MOB3C: variants seen among roughly 807,000 people sequenced by gnomAD.
MOB3C encodes the protein MOB kinase activator 3C.
Under a neutral mutation model 19.8 loss-of-function variants are expected in MOB3C, and 17 were observed. The ratio of observed to expected loss-of-function variants is 0.86; its 90% CI spans 0.59 to 1.29. The LOEUF (loss-of-function observed/expected upper bound fraction) is 1.29, where lower values mean the gene tolerates loss of function less well. MOB3C is among the 50% of genes most tolerant of loss of function. The pLI, the probability that MOB3C is intolerant of heterozygous loss-of-function variation, is 0.00. For missense variants in MOB3C, 291 were observed against 301.9 expected, an observed-to-expected ratio of 0.96 and a Z score of 0.27; for synonymous variants, 101 against 119.2, an observed-to-expected ratio of 0.85 and a Z score of 0.99.
intron 2 of MOB3C, among the ~76,000 whole-genome samples, chr1:46,612,416 A>C (rs1050365690): frequency 6.6e-6 from 1 of 152,134 alleles, no homozygotes; most frequent in Non-Finnish European, 1.5e-5. Context: ...TGCTTTAGAA[A>C]AGAAAAGCCC....
chr1:46,616,523 C>G lies in MOB3C; in HGVS notation c.-51+188G>C, dbSNP rs377104913. 4.6e-5 allele frequency: 7 copies of G among 150,994 alleles called. No individual in the cohort carries two copies. In the East Asian group the frequency reaches 1.2e-3, roughly 26 times the overall value. The allele number at this position is 150,994 out of a possible 1,614,324, so 9.4% of individuals were successfully genotyped here. A position where few individuals can be genotyped will look rare whatever the true frequency, so the allele number is the denominator to read the frequency against. Reference sequence around the variant, plus strand: ...CTCCCCTCTGCCCCGTACTCCCCCACCCCGACAATCCCCCCCGCAACTTTC... The same window carrying G: ...CTCCCCTCTGCCCCGTACTCCCCCAGCCCGACAATCCCCCCCGCAACTTTC... On this transcript the variant is annotated intron_variant, in intron 1 of 3. Coordinates refer to ENST00000319928, the MANE Select transcript of MOB3C (RefSeq NM_201403.3).
intron 1 of MOB3C, chr1:46,615,014 C>T (rs1489977519): frequency 6.2e-7 from 1 of 1,613,218 alleles, no homozygotes; most frequent in East Asian, 2.2e-5. Context: ...TTCGACTTCT[C>T]ACCCAAAGAA....
chr1:46,609,768 C>G (rs1675430176), intron 3 of MOB3C, 84 bp from the exon 4 acceptor site: 1 of 1,563,946 alleles, frequency 6.4e-7, no homozygotes, highest in Admixed American at 1.8e-5. Flanking sequence ...CCTAGCTGCT[C>G]TTCTGTCTGA....
intron 2 of MOB3C, among the ~76,000 whole-genome samples, chr1:46,612,335 A>G (rs1365431031): frequency 6.6e-6 from 1 of 152,194 alleles, no homozygotes; most frequent in Non-Finnish European, 1.5e-5. Context: ...CCTCGGGGCA[A>G]CTGTTCTGGA....
In MOB3C at chr1:46,613,036, A is replaced by T; in HGVS notation, c.286T>A (p.Tyr96Asn). Residue 96 changes from tyrosine to asparagine, a missense_variant, in exon 2 of 4, where the codon TAC becomes AAC. Transcript: ENST00000319928. ...SCPVMAGGPR[Y>N]EYRWQDERQY... is the part of the protein sequence containing the mutation. ...CGCTCGTCCTGCCAGCGGTACTCGTAGCGGGGCCCGCCGGCCATGACCGGG... is the reference window on the plus strand; with the variant it reads ...CGCTCGTCCTGCCAGCGGTACTCGTTGCGGGGCCCGCCGGCCATGACCGGG... 6.2e-7 allele frequency: 1 copy of T among 1,613,984 alleles called. No homozygotes were observed. Among genetic ancestry groups the T allele is most frequent in the Non-Finnish European group, 8.5e-7 (1 of 1,179,960 alleles).
chr1:46,612,903 C>T lies in MOB3C; in HGVS notation c.418+1G>A. On this transcript the variant is annotated splice_donor_variant, in intron 2 of 3. Transcript: ENST00000319928. LOFTEE classifies it high-confidence loss of function. Reference sequence around the variant, plus strand: ...CTCCCTCCCCGCCAGGTGACACTCACCAACACGCGTGGGAAAGACCTCTTC... The same window carrying T: ...CTCCCTCCCCGCCAGGTGACACTCATCAACACGCGTGGGAAAGACCTCTTC... 2 of 1,545,176 alleles carry T rather than the reference C, an allele frequency of 1.3e-6. No homozygotes were observed. The highest frequency in any genetic ancestry group is 1.3e-5 in the South Asian group (1 of 79,846).
At chr1:46,613,563 T>C (rs1440275595) in intron 1 of MOB3C, 192 bp from the exon 2 acceptor site, 8 of 602,736 alleles carry the variant, frequency 1.3e-5, no homozygotes, top group Non-Finnish European at 2.3e-5. Flanking sequence ...TCCCCCTTGC[T>C]AAGCCCCCAC....
At chr1:46,610,514 G>C (rs571159406) in intron 2 of MOB3C, among the ~76,000 whole-genome samples, 1 of 152,282 alleles carries the variant, frequency 6.6e-6, no homozygotes, top group African/African-American at 2.4e-5. Context: ...CTCCCAAGTA[G>C]CTGGGATTAC....
intron 1 of MOB3C, 178 bp downstream of exon 1, chr1:46,616,533 C>T (rs1480648302): frequency 2.3e-5 from 3 of 131,922 alleles, no homozygotes; most frequent in Non-Finnish European, 4.9e-5. Context: ...CCCCGACAAT[C>T]CCCCCCGCAA....
At position 46,612,912 on chromosome 1, in the gene MOB3C, G is replaced by A. The variant is rs1570381006; in HGVS notation, c.410C>T (p.Thr137Met). 1 of 1,549,836 alleles carries A rather than the reference G, an allele frequency of 6.5e-7. No individual in the cohort carries two copies. The highest frequency in any genetic ancestry group is 2.3e-5 in the East Asian group (1 of 44,252). Residue 137 changes from threonine (T) to methionine (M), a missense_variant, in exon 2 of 4, where the codon ACG becomes ATG. By Grantham distance (81) the Thr-to-Met change is moderately conservative. Coordinates refer to ENST00000319928, the MANE Select transcript of MOB3C (RefSeq NM_201403.3). ...CGCCAGGTGACACTCACCAACACGC[G>A]TGGGAAAGACCTCTTCGTCGTTGAT... ...GLINDEEVFPTRVGVPFPKNF... is the reference protein window; with the variant it reads ...GLINDEEVFPMRVGVPFPKNF...
Position 46,607,992 on chromosome 1 carries a change from G to A in MOB3C, c.*1663C>T, listed in dbSNP as rs1675395004. On this transcript the variant is annotated 3_prime_UTR_variant, in exon 4 of 4. Coordinates refer to ENST00000319928, the MANE Select transcript of MOB3C (RefSeq NM_201403.3). ...CAAGAGCTCCATCTGTTTCCCCAAA[G>A]TACAGGCAGCTTCTAGGCCATTGAG... 1 of 152,222 alleles carries A rather than the reference G, an allele frequency of 6.6e-6. No individual in the cohort carries two copies. The highest frequency in any genetic ancestry group is 1.5e-5 in the Non-Finnish European group (1 of 68,050). The allele number at this position is 152,222 out of a possible 1,614,324, so 9.4% of individuals were successfully genotyped here. A position where few individuals can be genotyped will look rare whatever the true frequency, so the allele number is the denominator to read the frequency against.
chr1:46,609,572 C>T lies in MOB3C; in HGVS notation c.*83G>A, dbSNP rs1675426038. ...GAGTGATTCCAGTGCCTTCAGATTC[C>T]TTCAGGCTCCTGGGGGTCCCCTCTG... On this transcript the variant is annotated 3_prime_UTR_variant, in exon 4 of 4. Transcript: ENST00000319928. The T allele has an allele frequency of 1.1e-5, 17 of 1,565,986 alleles. No homozygotes were observed. Among genetic ancestry groups the T allele is most frequent in the Non-Finnish European group, 1.5e-5 (17 of 1,138,102 alleles).
At position 46,611,241 on chromosome 1, in the gene MOB3C, T is replaced by G. The variant is rs1360424301; in HGVS notation, c.419-1037A>C. Among the ~76,000 whole-genome samples, 1 of 152,232 alleles carries G rather than the reference T, an allele frequency of 6.6e-6. No individual in the cohort carries two copies. The highest frequency in any genetic ancestry group is 1.5e-5 in the Non-Finnish European group (1 of 68,042). ...AGAACAATTCGCCTGATGTGTCTGATTGTCACTTTAGATATGATAAAACAG... is the reference window on the plus strand; with the variant it reads ...AGAACAATTCGCCTGATGTGTCTGAGTGTCACTTTAGATATGATAAAACAG... On this transcript the variant is annotated intron_variant, in intron 2 of 3. Transcript: ENST00000319928. This position sits in a 1 kb window ranked among gnomAD's most constrained non-coding sequence, Gnocchi z 4.1.
rs1675531260 is a variant in MOB3C, at chr1:46,614,649, G to A, written c.-50-1278C>T. 21 of 301,296 alleles carry A rather than the reference G, an allele frequency of 7.0e-5. No individual in the cohort carries two copies. In the South Asian group the frequency reaches 1.2e-3, roughly 17 times the overall value. 18.7% of individuals were successfully genotyped at this position (301,296 alleles called of 1,614,324 possible). On this transcript the variant is annotated intron_variant, in intron 1 of 3. Transcript: ENST00000319928. ...AGCCTTTAGCCCTACCCTGAGGCTT[G>A]CTTATGGCCAAAGCCTGGGCTTGAC...
At position 46,609,473 on chromosome 1, in the gene MOB3C, T is replaced by C. The variant is rs1246604467; in HGVS notation, c.*182A>G. The C allele has an allele frequency of 4.2e-6, 3 of 721,390 alleles. No homozygotes were observed. Among genetic ancestry groups the C allele is most frequent in the Non-Finnish European group, 4.8e-6 (2 of 412,888 alleles). 44.7% of individuals were successfully genotyped at this position (721,390 alleles called of 1,614,324 possible). On this transcript the variant is annotated 3_prime_UTR_variant, in exon 4 of 4. Transcript: ENST00000319928. ...TGCCTGCCTAGATGCTCTCCCCTTC[T>C]CCATCCACAAGCGGTCAGGGCGACA...
chr1:46,611,381 T>C lies in MOB3C; in HGVS notation c.419-1177A>G, dbSNP rs776153958. Among the ~76,000 whole-genome samples the C allele has an allele frequency of 6.6e-6, 1 of 152,132 alleles. No homozygotes were observed. The highest frequency in any genetic ancestry group is 1.5e-5 in the Non-Finnish European group (1 of 68,014). ...TGCACTGCAGCGACCCTCACAGATATTGGGACCCATGAAAAAGGCCCCGCT... is the reference window on the plus strand; with the variant it reads ...TGCACTGCAGCGACCCTCACAGATACTGGGACCCATGAAAAAGGCCCCGCT... On this transcript the variant is annotated intron_variant, in intron 2 of 3. Transcript: ENST00000319928. This position sits in a 1 kb window ranked among gnomAD's most constrained non-coding sequence, Gnocchi z 4.1.
rs1019191985 is a variant in MOB3C, at chr1:46,611,329, G to A, written c.419-1125C>T. On this transcript the variant is annotated intron_variant, in intron 2 of 3. Transcript: ENST00000319928. This position sits in a 1 kb window ranked among gnomAD's most constrained non-coding sequence, Gnocchi z 4.1. ...CATAAGTATTAATCAGTGCAGAATGGAGACTGGATTCAGACCCTCTTTGCA... is the reference window on the plus strand; with the variant it reads ...CATAAGTATTAATCAGTGCAGAATGAAGACTGGATTCAGACCCTCTTTGCA... Among the ~76,000 whole-genome samples, 5 of 152,208 alleles carry A rather than the reference G, an allele frequency of 3.3e-5. No homozygotes were observed. The highest frequency in any genetic ancestry group is 1.2e-4 in the African/African-American group (5 of 41,454).
intron 1 of MOB3C, chr1:46,615,076 T>C: frequency 6.2e-7 from 1 of 1,611,074 alleles, no homozygotes; most frequent in South Asian, 1.1e-5. Flanking sequence ...CTGCGCTTCA[T>C]TTGCCATCTC....
In MOB3C at chr1:46,612,975, C is replaced by T. The variant is rs763711743; in HGVS notation, c.347G>A (p.Arg116His). ...CCAGTCCATGAGCAATGCCATATAGCGCGGCGCAGAGAGCTTGGCGGGCCG... is the reference window on the plus strand; with the variant it reads ...CCAGTCCATGAGCAATGCCATATAGTGCGGCGCAGAGAGCTTGGCGGGCCG... ...YRRPAKLSAP[R>H]YMALLMDWIE... Residue 116 changes from arginine (R) to histidine (H), a missense_variant, in exon 2 of 4, where the codon CGC becomes CAC. Coordinates refer to ENST00000319928, the MANE Select transcript of MOB3C (RefSeq NM_201403.3). 18 of 1,609,388 alleles carry T rather than the reference C, an allele frequency of 1.1e-5. No homozygotes were observed. Among genetic ancestry groups the T allele is most frequent in the Non-Finnish European group, 1.5e-5 (18 of 1,177,302 alleles).
Sources: gnomAD v4.1 joint callset for allele counts (sites outside exome capture counted in the v4.1 genomes callset) on GRCh38, gnomAD v4.1.1 for gene constraint, Gnocchi (gnomAD v3.1) non-coding constraint, MANE v1.5 for transcripts, NCBI Gene and HGNC (gene_info 2026-07-23, HGNC 2026-07-21) for gene names.